The following GUCY2F variants were observed in gnomAD, a reference collection of about 807,000 sequenced individuals.
The protein encoded by GUCY2F is retinal guanylyl cyclase 2.
GUCY2F carries 61 observed loss-of-function variants against 73.1 expected under a neutral mutation model. The ratio of observed to expected loss-of-function variants is 0.83; its 90% confidence interval spans 0.68 to 1.03. The LOEUF is 1.03. Among genes scored for constraint, GUCY2F ranks in the 50% least tolerant of loss-of-function variants. The pLI is 0.00. For synonymous variants in GUCY2F, 331 were observed against 307.8 expected, an observed-to-expected ratio of 1.08 and a Z score of -0.79; for missense variants, 912 against 854.3, an observed-to-expected ratio of 1.07 and a Z score of -0.84.
intron 15 of GUCY2F, among the ~76,000 whole-genome samples, chrX:109,387,007 A>G (rs903767839): frequency 2.7e-5 from 3 of 112,015 alleles, no homozygotes; most frequent in African/African-American, 9.7e-5. Flanking sequence ...AACATGAGTA[A>G]GATATGCTTC....
intron 3 of GUCY2F, among the ~76,000 whole-genome samples, chrX:109,457,631 T>C (rs1235745211): frequency 9.0e-6 from 1 of 111,532 alleles, no homozygotes; most frequent in Non-Finnish European, 1.9e-5. Context: ...TCTTAGCCAC[T>C]GTGAGCTGCA....
chrX:109,409,014 G>A lies in GUCY2F; in HGVS notation c.1946C>T (p.Ser649Leu). The A allele has an allele frequency of 3.5e-6, 4 of 1,144,989 alleles. No homozygotes were observed. Among genetic ancestry groups the A allele is most frequent in the Middle Eastern group, 2.4e-4 (1 of 4,192 alleles). The allele number at this position is 1,144,989 out of a possible 1,213,427, so 94.4% of individuals were successfully genotyped here. A position where few individuals can be genotyped will look rare whatever the true frequency, so the allele number is the denominator to read the frequency against. The change falls in exon 9 of 20, where the codon TCA (serine) becomes TTA (leucine). Residue 649 changes from serine to leucine, a missense_variant. Physicochemically the swap from Ser to Leu is moderately radical, Grantham distance 145. Transcript: ENST00000218006. ...AACCTTTATGAGATCCAGCAAGAGT[G>A]ATGATTTAAACATCCAGTCAAGTTT... is the stretch of plus-strand genomic sequence containing the variant. ...DVKLDWMFKSSLLLDLIKGMK... is the reference protein window; with the variant it reads ...DVKLDWMFKSLLLLDLIKGMK...
intron 7 of GUCY2F, among the ~76,000 whole-genome samples, chrX:109,431,906 GAA>G (rs747439751): frequency 1.3e-4 from 10 of 79,094 alleles, no homozygotes; most frequent in Admixed American, 1.5e-4. Context: ...TCAGCAGCTG[GAA>G]AAAAAAAAAA....
chrX:109,410,864 T>C (rs1931092357), intron 8 of GUCY2F, among the ~76,000 whole-genome samples: 2 of 111,495 alleles, frequency 1.8e-5, no homozygotes, highest in Admixed American at 9.5e-5. Flanking sequence ...TAGCACATTA[T>C]GTGGAGAAAA....
chrX:109,435,784 G>T (rs1326482912), intron 7 of GUCY2F, among the ~76,000 whole-genome samples: 3 of 111,005 alleles, frequency 2.7e-5, no homozygotes, highest in Admixed American at 9.6e-5. Flanking sequence ...TAGCTCTTAT[G>T]ATTTTGAGAT....
At chrX:109,383,984 C>T (rs769599310) in intron 16 of GUCY2F, among the ~76,000 whole-genome samples, 1 of 112,806 alleles carries the variant, frequency 8.9e-6, no homozygotes, top group Admixed American at 9.3e-5. Flanking sequence ...TATATTAATG[C>T]AGCAGTTCCT....
At position 109,392,885 on chromosome X, in the gene GUCY2F, C is replaced by T; in HGVS notation, c.2588+7G>A. ...AGGATTCACACTCCTCAGGTGTTCT[C>T]ACATACGGTGGTAGCATCTGTGTTA... On this transcript the variant is annotated splice_region_variant and intron_variant, in intron 13 of 19. Transcript: ENST00000218006. 8.9e-7 allele frequency: 1 copy of T among 1,125,458 alleles called. No homozygotes were observed. Among genetic ancestry groups the T allele is most frequent in the Non-Finnish European group, 1.2e-6 (1 of 818,779 alleles). 92.8% of individuals were successfully genotyped at this position (1,125,458 alleles called of 1,213,427 possible).
At chrX:109,440,048 C>T (rs1931835556) in intron 7 of GUCY2F, among the ~76,000 whole-genome samples, 1 of 112,185 alleles carries the variant, frequency 8.9e-6, no homozygotes, top group Non-Finnish European at 1.9e-5. Flanking sequence ...TTGTAACAAC[C>T]CACTGCTCTG....
chrX:109,421,575 G>A (rs1931373364), intron 8 of GUCY2F, among the ~76,000 whole-genome samples: 1 of 111,243 alleles, frequency 9.0e-6, no homozygotes, highest in South Asian at 3.7e-4. Context: ...GTTACCAGGG[G>A]CTGTTGGAAA....
chrX:109,436,636 G>A (rs1670171120), intron 7 of GUCY2F, among the ~76,000 whole-genome samples: 1 of 111,474 alleles, frequency 9.0e-6, no homozygotes, highest in South Asian at 3.8e-4. Context: ...TCCTTTGTAG[G>A]GACATGGATG....
intron 8 of GUCY2F, among the ~76,000 whole-genome samples, chrX:109,409,639 A>C (rs1221111691): frequency 9.0e-6 from 1 of 111,039 alleles, no homozygotes; most frequent in African/African-American, 3.3e-5. Context: ...ATTCCCACAT[A>C]TTGTGAGAGG....
chrX:109,437,854 A>G (rs1184690208), intron 7 of GUCY2F, among the ~76,000 whole-genome samples: 1 of 112,773 alleles, frequency 8.9e-6, no homozygotes, highest in Non-Finnish European at 1.9e-5. Flanking sequence ...AGCTCATTCC[A>G]TTTGACATTC....
chrX:109,425,372 G>C (rs1316669744), intron 8 of GUCY2F, among the ~76,000 whole-genome samples: 1 of 102,205 alleles, frequency 9.8e-6, no homozygotes, highest in East Asian at 3.0e-4. Context: ...TGTGTGTATA[G>C]ATATGATATA....
intron 16 of GUCY2F, among the ~76,000 whole-genome samples, chrX:109,383,950 C>T (rs1930377342): frequency 8.9e-6 from 1 of 112,603 alleles, no homozygotes; most frequent in Non-Finnish European, 1.9e-5. Context: ...GGTTGCACTT[C>T]AAGAGTAAAG....
At chrX:109,440,461 A>G (rs1443409888) in intron 7 of GUCY2F, among the ~76,000 whole-genome samples, 2 of 111,164 alleles carry the variant, frequency 1.8e-5, no homozygotes, top group Non-Finnish European at 3.8e-5. Flanking sequence ...CCTGTCAATT[A>G]TTTATCTAAT....
chrX:109,418,314 T>C (rs1261017574), intron 8 of GUCY2F, among the ~76,000 whole-genome samples: 1 of 111,964 alleles, frequency 8.9e-6, no homozygotes, highest in Non-Finnish European at 1.9e-5. Context: ...CTTGACCTAA[T>C]TGATATTGAT....
At chrX:109,431,556 G>A (rs961517810) in intron 7 of GUCY2F, among the ~76,000 whole-genome samples, 2 of 110,403 alleles carry the variant, frequency 1.8e-5, no homozygotes, top group Non-Finnish European at 3.8e-5. Flanking sequence ...AAAATCAGCC[G>A]GGCGTGGTGG....
chrX:109,434,730 G>C (rs949849560), intron 7 of GUCY2F, among the ~76,000 whole-genome samples: 2 of 110,142 alleles, frequency 1.8e-5, no homozygotes, highest in African/African-American at 6.7e-5. Flanking sequence ...GTAAAGCCTA[G>C]GTTTTCTTCT....
chrX:109,412,730 T>A (rs1458282673), intron 8 of GUCY2F, among the ~76,000 whole-genome samples: 1 of 112,428 alleles, frequency 8.9e-6, no homozygotes, highest in Non-Finnish European at 1.9e-5. Context: ...TGTAGCCATA[T>A]GACTGAATTC....
Sources: allele counts gnomAD v4.1 joint callset (sites outside exome capture counted in the v4.1 genomes callset), GRCh38; gene constraint gnomAD v4.1.1; transcripts MANE v1.5; gene names NCBI Gene and HGNC (gene_info 2026-07-23, HGNC 2026-07-21).